LAT: variants seen among roughly 807,000 people sequenced by gnomAD.
LAT encodes the protein linker for activation of T-cells family member 1.
A neutral mutation model predicts 39.1 loss-of-function variants in LAT; 12 were observed. The observed-to-expected ratio is 0.31, with a 90% CI of 0.20 to 0.50. LAT has a LOEUF of 0.50. Ranked by LOEUF, LAT falls within the 20% of genes least tolerant of loss-of-function variation. LAT has a pLI of 0.98. For missense variants in LAT, 253 were observed against 308.0 expected, an observed-to-expected ratio of 0.82 and a Z score of 1.34; for synonymous variants, 117 against 123.8, an observed-to-expected ratio of 0.95 and a Z score of 0.36.
rs1567530480 is a variant in LAT, at chr16:28,985,482, T to C, written c.65T>C (p.Leu22Ser). Residue 22 changes from leucine to serine, a missense_variant, in exon 1 of 12, where the codon TTG becomes TCG. Physicochemically the swap from Leu to Ser is moderately radical, Grantham distance 145. Coordinates refer to ENST00000395456, the MANE Select transcript of LAT (RefSeq NM_001014987.2). The surrounding 1 kb of genome is among the most constrained non-coding windows in gnomAD (Gnocchi z 4.6). ...CTGCTGCTGCCCATCCTGGCCATGT[T>C]GATGGCACTGTGTGTGCACTGCCAC... ...GLLLLPILAM[L>S]MALCVHCHRL... is the part of the protein sequence containing the mutation. 1 of 1,613,840 alleles carries C rather than the reference T, an allele frequency of 6.2e-7. No homozygotes were observed. The highest frequency in any genetic ancestry group is 8.5e-7 in the Non-Finnish European group (1 of 1,179,914).
chr16:28,984,810 A>G, upstream of LAT: 1 of 1,521,752 alleles, frequency 6.6e-7, no homozygotes, highest in Non-Finnish European at 8.9e-7. Context: ...TTTGTACCCC[A>G]GAATTCCCAC....
intron 8 of LAT, chr16:28,988,372 G>C (rs947642278): frequency 6.6e-6 from 1 of 152,464 alleles, no homozygotes; most frequent in African/African-American, 2.4e-5. Context: ...GCTGGAGCTG[G>C]GATTGAACCG....
intron 8 of LAT, chr16:28,989,232 G>A (rs1209914244): frequency 1.4e-5 from 5 of 353,414 alleles, no homozygotes; most frequent in African/African-American, 2.1e-5. Context: ...CAGCCTAGGG[G>A]CTGTGCTGGG....
In LAT at chr16:28,985,153, T is replaced by A; in HGVS notation, c.-265T>A. Reference sequence around the variant, plus strand: ...CGCAGGGGTAACTGGATCCCCCGACTTCAGCCCAGGCCCTGGTCTGACCAC... The same window carrying A: ...CGCAGGGGTAACTGGATCCCCCGACATCAGCCCAGGCCCTGGTCTGACCAC... On this transcript the variant is annotated 5_prime_UTR_variant, in exon 1 of 12. Transcript: ENST00000395456. The surrounding 1 kb of genome is among the most constrained non-coding windows in gnomAD (Gnocchi z 4.6). 7.0e-7 allele frequency: 1 copy of A among 1,426,318 alleles called. No homozygotes were observed. Among genetic ancestry groups the A allele is most frequent in the Non-Finnish European group, 9.1e-7 (1 of 1,095,016 alleles). 88.4% of individuals were successfully genotyped at this position (1,426,318 alleles called of 1,614,324 possible).
At position 28,986,573 on chromosome 16, in the gene LAT, C is replaced by T. The variant is rs376374033; in HGVS notation, c.340+4C>T. Reference sequence around the variant, plus strand: ...GTGGCGAGCTACGAGAACGAGGGTGCGTCTGGGATCCGAGGTGCCCAGGCT... The same window carrying T: ...GTGGCGAGCTACGAGAACGAGGGTGTGTCTGGGATCCGAGGTGCCCAGGCT... On this transcript the variant is annotated splice_donor_region_variant and intron_variant, in intron 6 of 11. Transcript: ENST00000395456. The surrounding 1 kb of genome is among the most constrained non-coding windows in gnomAD (Gnocchi z 5.7). The T allele has an allele frequency of 2.5e-6, 4 of 1,612,934 alleles. No individual in the cohort carries two copies. The highest frequency in any genetic ancestry group is 2.2e-5 in the East Asian group (1 of 44,846).
chr16:28,989,430 T>G, intron 8 of LAT, 97 bp from the exon 9 acceptor site: 2 of 1,069,216 alleles, frequency 1.9e-6, no homozygotes, highest in Non-Finnish European at 2.8e-6. Context: ...GGGTCTACCG[T>G]TGGGGAGCTC....
At chr16:28,984,832 C>G, upstream of LAT, 3 of 1,549,260 alleles carry the variant, frequency 1.9e-6, no homozygotes, top group Non-Finnish European at 2.6e-6. Flanking sequence ...GTCAGGGCCT[C>G]CCTGCTCGCT....
At chr16:28,987,401 A>C (rs1965783355) in intron 8 of LAT, among the ~76,000 whole-genome samples, 3 of 152,066 alleles carry the variant, frequency 2.0e-5, no homozygotes, top group Admixed American at 1.3e-4. Context: ...TTCATGGATG[A>C]AACATCTCTA....
rs369317401 is a variant in LAT at position 28,986,138 on chromosome 16, C to T, written c.167C>T (p.Thr56Met). The T allele has an allele frequency of 1.5e-4, 237 of 1,593,664 alleles. No individual in the cohort carries two copies. The highest frequency in any genetic ancestry group is 1.9e-4 in the Non-Finnish European group (223 of 1,170,334). ...CAACTTGGTTCTGTGTCCTCAGACA[C>T]GGTTGCCCCCTGGCCACCTGCCTAC... ...PRGIQFKRPH[T>M]VAPWPPAYPP... The change falls in exon 4 of 12, where the codon ACG becomes ATG. Residue 56 changes from threonine (T) to methionine (M), a missense_variant. Thr to Met is a moderately conservative substitution (Grantham distance 81). Coordinates refer to ENST00000395456, the MANE Select transcript of LAT (RefSeq NM_001014987.2). The surrounding 1 kb of genome is among the most constrained non-coding windows in gnomAD (Gnocchi z 5.7).
Position 28,986,007 on chromosome 16 carries a change from T to A in LAT, c.163+119T>A. 7.0e-7 allele frequency: 1 copy of A among 1,428,770 alleles called. No individual in the cohort carries two copies. The highest frequency in any genetic ancestry group is 1.8e-4 in the Middle Eastern group (1 of 5,688). The allele number at this position is 1,428,770 out of a possible 1,614,324, so 88.5% of individuals were successfully genotyped here. A position where few individuals can be genotyped will look rare whatever the true frequency, so the allele number is the denominator to read the frequency against. ...TGGGGCTGCCCACATGGCCTTGACCTGAGCTGGGAGAGGGGAGATGGCTCC... is the reference window on the plus strand; with the variant it reads ...TGGGGCTGCCCACATGGCCTTGACCAGAGCTGGGAGAGGGGAGATGGCTCC... On this transcript the variant is annotated intron_variant, in intron 3 of 11. Coordinates refer to ENST00000395456, the MANE Select transcript of LAT (RefSeq NM_001014987.2). The surrounding 1 kb of genome is among the most constrained non-coding windows in gnomAD (Gnocchi z 5.7).
chr16:28,989,921 C>T lies in LAT; in HGVS notation c.623-12C>T, dbSNP rs770019079. ...GCTTGCAAGCTGGAGACCAACCTCC[C>T]CTCCCTTACAGCCGCCCTGAGTTCC... On this transcript the variant is annotated splice_polypyrimidine_tract_variant and intron_variant, in intron 10 of 11. Transcript: ENST00000395456. 1.2e-5 allele frequency: 20 copies of T among 1,613,792 alleles called. 1 individual carries two copies. The highest frequency in any genetic ancestry group is 1.4e-5 in the Non-Finnish European group (17 of 1,179,852).
Position 28,985,105 on chromosome 16 carries a change from A to G in LAT, c.-313A>G. On this transcript the variant is annotated 5_prime_UTR_variant, in exon 1 of 12. Coordinates refer to ENST00000395456, the MANE Select transcript of LAT (RefSeq NM_001014987.2). This position sits in a 1 kb window ranked among gnomAD's most constrained non-coding sequence, Gnocchi z 4.6. Reference sequence around the variant, plus strand: ...GGCGGGCACGGAGAGGCGGGCGCCGAGGAGGGGCAGGTAGGGCTGGGACGC... The same window carrying G: ...GGCGGGCACGGAGAGGCGGGCGCCGGGGAGGGGCAGGTAGGGCTGGGACGC... 7.0e-7 allele frequency: 1 copy of G among 1,427,080 alleles called. No homozygotes were observed. The highest frequency in any genetic ancestry group is 9.1e-7 in the Non-Finnish European group (1 of 1,095,878). The allele number at this position is 1,427,080 out of a possible 1,614,324, so 88.4% of individuals were successfully genotyped here.
chr16:28,984,863 T>C (rs1325970234), upstream of LAT: 3 of 1,550,132 alleles, frequency 1.9e-6, no homozygotes, highest in South Asian at 1.2e-5. Flanking sequence ...GTCCTGGATA[T>C]GGAGGCCACG....
At chr16:28,990,070 C>T in intron 11 of LAT, 51 bp downstream of exon 11, 3 of 1,491,002 alleles carry the variant, frequency 2.0e-6, no homozygotes, top group Non-Finnish European at 2.8e-6. Context: ...AGGCTCTACT[C>T]CTTCCCTCCA....
chr16:28,985,969 T>TC lies in LAT; in HGVS notation c.163+85dup. The TC allele has an allele frequency of 3.3e-6, 5 of 1,533,510 alleles. No homozygotes were observed. Among genetic ancestry groups the TC allele is most frequent in the Non-Finnish European group, 4.5e-6 (5 of 1,107,244 alleles). The allele number at this position is 1,533,510 out of a possible 1,614,324, so 95.0% of individuals were successfully genotyped here. ...GGGAGTGAGCGTGAACCTTCAGACT[T>TC]CCCCTGCCACCTTGGGGCTGCCCAC... is the stretch of plus-strand genomic sequence containing the variant. On this transcript the variant is annotated intron_variant, in intron 3 of 11. Coordinates refer to ENST00000395456, the MANE Select transcript of LAT (RefSeq NM_001014987.2). The surrounding 1 kb of genome is among the most constrained non-coding windows in gnomAD (Gnocchi z 4.6).
rs2141684070 is a variant in LAT at position 28,985,699 on chromosome 16, CCT to C, written c.101-9_101-8del. ...CACCCCCTGTTCCTGCCTCACCAGC[CCT>C]CTCTTTCCCAGGCTCCTACGACAGC... is the stretch of plus-strand genomic sequence containing the variant. On this transcript the variant is annotated splice_polypyrimidine_tract_variant and intron_variant, in intron 1 of 11. Transcript: ENST00000395456. The surrounding 1 kb of genome is among the most constrained non-coding windows in gnomAD (Gnocchi z 4.6). 3 of 1,613,776 alleles carry C rather than the reference CCT, an allele frequency of 1.9e-6. No individual in the cohort carries two copies. The highest frequency in any genetic ancestry group is 2.2e-5 in the East Asian group (1 of 44,874).
In LAT at chr16:28,986,368, C is replaced by T. The variant is rs1349101705; in HGVS notation, c.246-14C>T. ...GCCCCACCTCAGGCATGACCCCTGA[C>T]CTTTGACTCCCAGAAGATCCCCGCA... On this transcript the variant is annotated splice_polypyrimidine_tract_variant and intron_variant, in intron 4 of 11. Coordinates refer to ENST00000395456, the MANE Select transcript of LAT (RefSeq NM_001014987.2). This position sits in a 1 kb window ranked among gnomAD's most constrained non-coding sequence, Gnocchi z 5.7. 2.5e-6 allele frequency: 4 copies of T among 1,613,548 alleles called. No individual in the cohort carries two copies. The South Asian group carries it at 4.4e-5, about 18-fold the overall frequency.
Position 28,989,516 on chromosome 16 carries a change from CT to C in LAT, c.494-7del. ...GGTCACAGTGCCGAGGTGGGCCTGGCTTTTCCACAGTGGAGTCCATTGATGA... is the reference window on the plus strand; with the variant it reads ...GGTCACAGTGCCGAGGTGGGCCTGGCTTTCCACAGTGGAGTCCATTGATGA... On this transcript the variant is annotated splice_polypyrimidine_tract_variant and intron_variant, in intron 8 of 11. Coordinates refer to ENST00000395456, the MANE Select transcript of LAT (RefSeq NM_001014987.2). 6.2e-7 allele frequency: 1 copy of C among 1,600,374 alleles called. No individual in the cohort carries two copies. Among genetic ancestry groups the C allele is most frequent in the Non-Finnish European group, 8.5e-7 (1 of 1,172,514 alleles).
chr16:28,986,058 T>G lies in LAT; in HGVS notation c.164-77T>G. On this transcript the variant is annotated intron_variant, in intron 3 of 11. Coordinates refer to ENST00000395456, the MANE Select transcript of LAT (RefSeq NM_001014987.2). The surrounding 1 kb of genome is among the most constrained non-coding windows in gnomAD (Gnocchi z 5.7). ...CCCAGGCCTGTCCAGGGTGTGGGGC[T>G]TTCAGGGGCTTAGTCTGTTCTTTGA... The G allele has an allele frequency of 7.1e-7, 1 of 1,411,750 alleles. No individual in the cohort carries two copies. Among genetic ancestry groups the G allele is most frequent in the Non-Finnish European group, 9.9e-7 (1 of 1,008,554 alleles). 87.5% of individuals were successfully genotyped at this position (1,411,750 alleles called of 1,614,324 possible).
Sources: allele counts gnomAD v4.1 joint callset (sites outside exome capture counted in the v4.1 genomes callset), GRCh38; gene constraint gnomAD v4.1.1; non-coding constraint Gnocchi (gnomAD v3.1); transcripts MANE v1.5; gene names NCBI Gene and HGNC (gene_info 2026-07-23, HGNC 2026-07-21).